The following RTL4 variants were observed in gnomAD, a reference collection of about 807,000 sequenced individuals.
The protein encoded by RTL4 is retrotransposon Gag-like protein 4.
A neutral mutation model predicts 5.3 loss-of-function variants in RTL4; 4 were observed. The ratio of observed to expected loss-of-function variants is 0.75; its 90% CI spans 0.37 to 1.72. The LOEUF (loss-of-function observed/expected upper bound fraction) is 1.72. Ranked by LOEUF, RTL4 falls within the 40% of genes most tolerant of loss-of-function variation. RTL4 has a pLI of 0.04. For synonymous variants in RTL4, 98 were observed against 87.3 expected (o/e 1.12, Z -0.68); for missense variants, 260 against 227.1 (o/e 1.14, Z -0.93).
the RTL4 span, among the ~76,000 whole-genome samples, chrX:112,369,734 G>A: frequency 0.21 from 23,228 of 111,265 alleles, 1,852 homozygotes; most frequent in Admixed American, 0.32. Context: ...GCTTTAATAC[G>A]ATTCCTTTGG....
At chrX:112,415,514 G>A in the RTL4 span, among the ~76,000 whole-genome samples, 1 of 110,982 alleles carries the variant, frequency 9.0e-6, no homozygotes, top group South Asian at 3.8e-4. Context: ...GAACACTGCA[G>A]GGTATGCATT....
the RTL4 span, among the ~76,000 whole-genome samples, chrX:112,167,964 A>T: frequency 2.7e-5 from 3 of 110,828 alleles, no homozygotes; most frequent in South Asian, 1.1e-3. Flanking sequence ...TTTCTTTATC[A>T]CTTCATTTGT....
At chrX:112,138,586 T>C in the RTL4 span, among the ~76,000 whole-genome samples, 1 of 111,146 alleles carries the variant, frequency 9.0e-6, no homozygotes, top group East Asian at 2.8e-4. Flanking sequence ...GTAAAGTGTT[T>C]TTTTTAAGTC....
chrX:112,204,807 G>A, the RTL4 span, among the ~76,000 whole-genome samples: 2 of 111,339 alleles, frequency 1.8e-5, no homozygotes, highest in Non-Finnish European at 3.8e-5. Flanking sequence ...AACTTATAGA[G>A]TATAATTGAG....
At chrX:112,093,908 A>G in the RTL4 span, among the ~76,000 whole-genome samples, 1 of 111,891 alleles carries the variant, frequency 8.9e-6, no homozygotes, top group East Asian at 2.8e-4. Flanking sequence ...GATTCTACAG[A>G]GAAAGATTAA....
At chrX:112,255,372 T>C in the RTL4 span, among the ~76,000 whole-genome samples, 1 of 111,939 alleles carries the variant, frequency 8.9e-6, no homozygotes, top group Non-Finnish European at 1.9e-5. Context: ...AGATACAACG[T>C]ATGGAGACCA....
At chrX:112,117,611 A>C in the RTL4 span, among the ~76,000 whole-genome samples, 3 of 111,391 alleles carry the variant, frequency 2.7e-5, no homozygotes, top group Non-Finnish European at 5.7e-5. Flanking sequence ...AAAATGTTCA[A>C]CCTTACTTGA....
the RTL4 span, among the ~76,000 whole-genome samples, chrX:112,349,365 T>G: frequency 9.0e-6 from 1 of 111,418 alleles, no homozygotes; most frequent in African/African-American, 3.3e-5. Context: ...AGCCTTTTTT[T>G]TCTTTAAACA....
the RTL4 span, among the ~76,000 whole-genome samples, chrX:112,419,453 G>A: frequency 9.6e-5 from 8 of 83,240 alleles, 1 homozygote; most frequent in Admixed American, 1.3e-3. Flanking sequence ...CTCCACCTCC[G>A]AGTTCAAGAG....
the RTL4 span, among the ~76,000 whole-genome samples, chrX:112,166,019 C>A: frequency 8.9e-6 from 1 of 112,387 alleles, no homozygotes; most frequent in East Asian, 2.8e-4. Context: ...AATTGACTTG[C>A]TGACACCTCC....
the RTL4 span, among the ~76,000 whole-genome samples, chrX:112,242,274 A>C: frequency 6.0e-4 from 67 of 111,570 alleles, no homozygotes; most frequent in Non-Finnish European, 1.1e-3. Flanking sequence ...TGAATCTATA[A>C]ATTACCTTGG....
chrX:112,235,266 T>C, the RTL4 span, among the ~76,000 whole-genome samples: 2 of 111,798 alleles, frequency 1.8e-5, no homozygotes, highest in African/African-American at 3.3e-5. Flanking sequence ...TAGGCCAAAA[T>C]ACAGCCTCCT....
At chrX:112,243,684 G>A in the RTL4 span, among the ~76,000 whole-genome samples, 2 of 111,216 alleles carry the variant, frequency 1.8e-5, no homozygotes, top group African/African-American at 6.5e-5. Flanking sequence ...GGTTTTTTGT[G>A]TCTCTATCTC....
chrX:112,450,677 G>A (rs1381880932), upstream of RTL4, among the ~76,000 whole-genome samples: 1 of 111,828 alleles, frequency 8.9e-6, no homozygotes, highest in Non-Finnish European at 1.9e-5. Flanking sequence ...TGTTTCACCA[G>A]TGCTACATAA....
At chrX:112,330,151 T>G in the RTL4 span, among the ~76,000 whole-genome samples, 8 of 99,439 alleles carry the variant, frequency 8.0e-5, no homozygotes, top group Non-Finnish European at 1.6e-4. Context: ...TGTTGGAAGT[T>G]CTGGCCAGGG....
chrX:112,204,938 A>G, the RTL4 span, among the ~76,000 whole-genome samples: 1 of 111,554 alleles, frequency 9.0e-6, no homozygotes, highest in African/African-American at 3.3e-5. Flanking sequence ...ATATACACAT[A>G]TGTACGCACA....
chrX:112,423,110 G>GT, the RTL4 span, among the ~76,000 whole-genome samples: 1 of 101,553 alleles, frequency 9.8e-6, no homozygotes, highest in Non-Finnish European at 2.1e-5. Context: ...TTCATTGTGT[G>GT]TGGGGGGGGG....
the RTL4 span, among the ~76,000 whole-genome samples, chrX:112,250,069 G>T: frequency 9.1e-6 from 1 of 110,065 alleles, no homozygotes; most frequent in Non-Finnish European, 1.9e-5. Context: ...GAGGTCAGGA[G>T]ATCGAGACCA....
the RTL4 span, among the ~76,000 whole-genome samples, chrX:112,197,069 T>C: frequency 1.9e-5 from 2 of 102,780 alleles, no homozygotes; most frequent in African/African-American, 7.0e-5. Context: ...GGGAATTGCC[T>C]AGTCAGGTCC....
Sources: gnomAD v4.1 joint callset for allele counts (sites outside exome capture counted in the v4.1 genomes callset) on GRCh38, gnomAD v4.1.1 for gene constraint, MANE v1.5 for transcripts, NCBI Gene and HGNC (gene_info 2026-07-23, HGNC 2026-07-21) for gene names.